The following CTNND2 variants were observed in gnomAD, a reference collection of about 807,000 sequenced individuals.
CTNND2 encodes catenin delta 2.
A neutral mutation model predicts 144.4 loss-of-function variants in CTNND2; 22 were observed. The observed-to-expected ratio is 0.15, with a 90% CI of 0.11 to 0.22. The LOEUF is 0.22. CTNND2 is among the 10% of genes least tolerant of loss of function. CTNND2 has a pLI of 1.00. For missense variants in CTNND2, 1,353 were observed against 1,618.8 expected (o/e 0.84, Z 2.82); for synonymous variants, 751 against 695.6 (o/e 1.08, Z -1.25).
chr5:11,568,614 T>C (rs1038375564), intron 2 of CTNND2, among the ~76,000 whole-genome samples: 2 of 152,226 alleles, frequency 1.3e-5, no homozygotes, highest in African/African-American at 4.8e-5. Context: ...CTCCTTGGTA[T>C]AGACATTTTT....
chr5:11,719,352 T>C (rs75813645), intron 2 of CTNND2, among the ~76,000 whole-genome samples: 18,500 of 152,218 alleles, frequency 0.12, 1,347 homozygotes, highest in Non-Finnish European at 0.16. Flanking sequence ...ATCCTTAAAA[T>C]AGATTACAGC....
intron 18 of CTNND2, among the ~76,000 whole-genome samples, chr5:10,995,605 AGAGT>A (rs1739256530): frequency 6.6e-6 from 1 of 152,192 alleles, no homozygotes; most frequent in Non-Finnish European, 1.5e-5. Flanking sequence ...GGGCTTGAAG[AGAGT>A]GAGGGCTGGA....
At chr5:11,132,277 C>T (rs374138182) in intron 12 of CTNND2, among the ~76,000 whole-genome samples, 5 of 152,312 alleles carry the variant, frequency 3.3e-5, no homozygotes, top group African/African-American at 1.2e-4. Context: ...GGGTCCAGGC[C>T]TACCACCTGC....
At chr5:11,210,102 G>A (rs983162999) in intron 10 of CTNND2, among the ~76,000 whole-genome samples, 2 of 152,074 alleles carry the variant, frequency 1.3e-5, no homozygotes, top group Non-Finnish European at 2.9e-5. Context: ...GTTTTATAGA[G>A]ATAATTTAAA....
intron 1 of CTNND2, among the ~76,000 whole-genome samples, chr5:11,735,920 G>A (rs1446640329): frequency 1.3e-5 from 2 of 152,118 alleles, no homozygotes; most frequent in African/African-American, 2.4e-5. Flanking sequence ...GAGAAAGGGG[G>A]ACTCTTACAT....
chr5:11,872,554 T>TG (rs1735222220), intron 1 of CTNND2, among the ~76,000 whole-genome samples: 1 of 152,236 alleles, frequency 6.6e-6, no homozygotes, highest in Non-Finnish European at 1.5e-5. Context: ...TGTTGTTTCC[T>TG]GACTTTTTAA....
intron 9 of CTNND2, among the ~76,000 whole-genome samples, chr5:11,281,405 T>C (rs574158421): frequency 1.1e-3 from 173 of 152,308 alleles, no homozygotes; most frequent in Non-Finnish European, 2.1e-3. Flanking sequence ...CAAACAGTTA[T>C]AGGAAATAGA....
chr5:11,674,720 G>T lies in CTNND2; in HGVS notation c.174+57416C>A, dbSNP rs10052397. Among the ~76,000 whole-genome samples the T allele has an allele frequency of 3.1e-3, 395 of 126,308 alleles. 2 individuals are homozygous for T. Among genetic ancestry groups the T allele is most frequent in the African/African-American group, 7.7e-3 (186 of 24,308 alleles). The allele number at this position is 126,308 out of a possible 152,430, so 82.9% of individuals were successfully genotyped here. A position where few individuals can be genotyped will look rare whatever the true frequency, so the allele number is the denominator to read the frequency against. On this transcript the variant is annotated intron_variant, in intron 2 of 21. Transcript: ENST00000304623. The stretch of plus-strand genomic sequence containing the variant: ...TGCAGTTTTTTTGTTTGTTTGTTTG[G>T]TTGGTTGGTTGGTTGGTTGGTTTTG...
chr5:11,275,688 T>G (rs1746450909), intron 9 of CTNND2, among the ~76,000 whole-genome samples: 1 of 152,232 alleles, frequency 6.6e-6, no homozygotes, highest in Non-Finnish European at 1.5e-5. Flanking sequence ...AGTTCCCTGC[T>G]TATTTATAAA....
chr5:11,895,143 A>G (rs911096868), intron 1 of CTNND2, among the ~76,000 whole-genome samples: 6 of 152,120 alleles, frequency 3.9e-5, no homozygotes, highest in African/African-American at 1.4e-4. Flanking sequence ...ACACACAGTC[A>G]AGTGCCAGAA....
Position 11,346,613 on chromosome 5 carries a change from C to A in CTNND2, c.1387G>T (p.Gly463Cys). The change falls in exon 9 of 22, where the codon GGT becomes TGT. Residue 463 changes from glycine to cysteine, a missense_variant. Coordinates refer to ENST00000304623, the MANE Select transcript of CTNND2 (RefSeq NM_001332.4). The stretch of plus-strand genomic sequence containing the variant: ...CGCTGCAAGGGGACGGAGTCGACAC[C>A]AGGGGAAGATGGGGCTACGACAGGA... Reference protein sequence around the residue: ...YRTSTAPSSPGVDSVPLQRTG... With the variant: ...YRTSTAPSSPCVDSVPLQRTG... 1 of 1,521,620 alleles carries A rather than the reference C, an allele frequency of 6.6e-7. No individual in the cohort carries two copies. The highest frequency in any genetic ancestry group is 2.4e-5 in the East Asian group (1 of 40,820). The allele number at this position is 1,521,620 out of a possible 1,614,324, so 94.3% of individuals were successfully genotyped here. A position where few individuals can be genotyped will look rare whatever the true frequency, so the allele number is the denominator to read the frequency against.
intron 2 of CTNND2, among the ~76,000 whole-genome samples, chr5:11,697,860 G>C (rs1785209388): frequency 6.6e-6 from 1 of 152,138 alleles, no homozygotes; most frequent in South Asian, 2.1e-4. Flanking sequence ...GGACGGGAAG[G>C]CATCAATTAT....
chr5:11,860,320 C>T (rs1008415586), intron 1 of CTNND2, among the ~76,000 whole-genome samples: 1 of 152,156 alleles, frequency 6.6e-6, no homozygotes, highest in Non-Finnish European at 1.5e-5. Flanking sequence ...CAACTCCGTT[C>T]TTAGTAAATT....
intron 3 of CTNND2, among the ~76,000 whole-genome samples, chr5:11,508,110 C>T (rs1771252599): frequency 6.6e-6 from 1 of 151,982 alleles, no homozygotes; most frequent in African/African-American, 2.4e-5. Context: ...TTTGGAATTA[C>T]TTTAATGAAA....
intron 9 of CTNND2, among the ~76,000 whole-genome samples, chr5:11,249,748 T>C (rs1368648312): frequency 6.6e-6 from 1 of 151,932 alleles, no homozygotes; most frequent in Non-Finnish European, 1.5e-5. Flanking sequence ...GGAAAGCTTT[T>C]GAGTGTGGTT....
chr5:11,568,364 C>G (rs1239468888), intron 2 of CTNND2, among the ~76,000 whole-genome samples: 1 of 152,172 alleles, frequency 6.6e-6, no homozygotes, highest in African/African-American at 2.4e-5. Context: ...TGTGGAAACT[C>G]TCTCAAGGCA....
chr5:11,810,528 A>G (rs532059088), intron 1 of CTNND2, among the ~76,000 whole-genome samples: 1 of 152,352 alleles, frequency 6.6e-6, no homozygotes, highest in Non-Finnish European at 1.5e-5. Context: ...CTACTTTTTA[A>G]CAAATGTTAA....
At chr5:11,051,638 G>A (rs1745838922) in intron 16 of CTNND2, among the ~76,000 whole-genome samples, 1 of 152,204 alleles carries the variant, frequency 6.6e-6, no homozygotes, top group Admixed American at 6.5e-5. Context: ...TGAGAGTTGA[G>A]TCATTTCCTC....
chr5:11,258,087 G>A (rs191389130), intron 9 of CTNND2, among the ~76,000 whole-genome samples: 9 of 152,262 alleles, frequency 5.9e-5, no homozygotes, highest in African/African-American at 2.2e-4. Context: ...TCCTTTCAGC[G>A]TAGCATCCCT....
Sources: gnomAD v4.1 joint callset for allele counts (sites outside exome capture counted in the v4.1 genomes callset) on GRCh38, gnomAD v4.1.1 for gene constraint, MANE v1.5 for transcripts, NCBI Gene and HGNC (gene_info 2026-07-23, HGNC 2026-07-21) for gene names.